Variants in HNF4A observed in about 807,000 individuals in gnomAD.
The protein encoded by HNF4A is hepatocyte nuclear factor 4-alpha.
In HNF4A, 15 loss-of-function variants were observed where a neutral mutation model predicts 52.4. That is an observed-to-expected ratio of 0.29 (90% CI 0.19 to 0.44). The LOEUF (loss-of-function observed/expected upper bound fraction) is 0.44. HNF4A is among the 20% of genes least tolerant of loss of function. HNF4A has a pLI of 1.00. For synonymous variants in HNF4A, 280 were observed against 264.4 expected (o/e 1.06, Z -0.57); for missense variants, 479 against 647.2 (o/e 0.74, Z 2.82).
At chr20:44,425,130 C>T (rs567644320) in intron 8 of HNF4A, among the ~76,000 whole-genome samples, 6 of 152,268 alleles carry the variant, frequency 3.9e-5, no homozygotes, top group East Asian at 1.9e-4. Context: ...TACAGGCGCC[C>T]GCCACCACGC....
Position 44,428,372 on chromosome 20 carries a change from GC to G in HNF4A, c.1168del (p.His390ThrfsTer4). 1 of 1,614,010 alleles carries G rather than the reference GC, an allele frequency of 6.2e-7. No homozygotes were observed. Among genetic ancestry groups the G allele is most frequent in the Non-Finnish European group, 8.5e-7 (1 of 1,179,982 alleles). On this transcript the variant is annotated frameshift_variant, in exon 9 of 10. Coordinates refer to ENST00000316099, the MANE Select transcript of HNF4A (RefSeq NM_000457.6). LOFTEE classifies it high-confidence loss of function. ...ATGCACCCCATGCCCACCACCCCCT[GC>G]ACCCTCACCTGATGCAGGAACATAT...
intron 1 of HNF4A, among the ~76,000 whole-genome samples, chr20:44,371,017 G>A (rs1435067640): frequency 6.6e-6 from 1 of 152,212 alleles, no homozygotes; most frequent in African/African-American, 2.4e-5. Context: ...GGGCAGAGGA[G>A]GTGGGGAGAC....
intron 1 of HNF4A, among the ~76,000 whole-genome samples, chr20:44,360,118 C>G (rs2062901422): frequency 6.6e-6 from 1 of 152,298 alleles, no homozygotes; most frequent in South Asian, 2.1e-4. Flanking sequence ...TATAGTCCAG[C>G]CTTCCACAGG....
intron 1 of HNF4A, among the ~76,000 whole-genome samples, chr20:44,385,304 T>G (rs2063209579): frequency 6.6e-6 from 1 of 151,546 alleles, no homozygotes; most frequent in Non-Finnish European, 1.5e-5. Context: ...GGGCACCTGG[T>G]ATCAGAAGTG....
In HNF4A at chr20:44,413,805, C is replaced by T. The variant is rs540372371; in HGVS notation, c.492+5C>T. 80 of 1,594,982 alleles carry T rather than the reference C, an allele frequency of 5.0e-5. No individual in the cohort carries two copies. The South Asian group carries it at 6.2e-4, about 12-fold the overall frequency. On this transcript the variant is annotated splice_donor_5th_base_variant and intron_variant, in intron 4 of 9. Transcript: ENST00000316099. ...GCGGAGGTCCTGTCCCGACAGGTAC[C>T]GGGGTGATCCTGCCACCCACCCAGG...
intron 1 of HNF4A, among the ~76,000 whole-genome samples, chr20:44,378,387 C>T (rs930122427): frequency 8.6e-5 from 13 of 151,780 alleles, no homozygotes; most frequent in Admixed American, 2.6e-4. Flanking sequence ...TCTGCCTCAG[C>T]CTCCCGAGTA....
At chr20:44,433,194 G>C (rs1226185530), downstream of HNF4A, 6 of 152,208 alleles carry the variant, frequency 3.9e-5, no homozygotes, top group Admixed American at 3.9e-4. Context: ...GGAGTGATGA[G>C]GGGAGAGTGC....
intron 7 of HNF4A, among the ~76,000 whole-genome samples, chr20:44,422,121 T>G (rs1028583): frequency 0.54 from 82,664 of 151,718 alleles, 22,844 homozygotes; most frequent in Middle Eastern, 0.67. Flanking sequence ...GATTTGAACT[T>G]CAGACCACCT....
exon 1 of HNF4A, chr20:44,355,828 C>A: frequency 2.5e-6 from 4 of 1,613,682 alleles, no homozygotes; most frequent in Non-Finnish European, 3.4e-6. Flanking sequence ...ACGCGCCCCT[C>A]GGGGCTCCAG....
chr20:44,411,051 A>G (rs2063574070), intron 3 of HNF4A, among the ~76,000 whole-genome samples: 2 of 152,198 alleles, frequency 1.3e-5, no homozygotes, highest in African/African-American at 4.8e-5. Flanking sequence ...CTTTCCTGCA[A>G]CCGAAAGCCA....
chr20:44,394,463 G>A lies in HNF4A; in HGVS notation c.50-11595G>A, dbSNP rs537367982. ...GCTGGGCCTGTGGATGCATACCCTT[G>A]GCTCCTGGGAGCCTCGGAACCCAGC... On this transcript the variant is annotated intron_variant, in intron 1 of 9. Coordinates refer to the HNF4A transcript ENST00000316673. Among the ~76,000 whole-genome samples, 5 of 152,230 alleles carry A rather than the reference G, an allele frequency of 3.3e-5. No homozygotes were observed. The South Asian group carries it at 1.0e-3, about 32-fold the overall frequency.
At chr20:44,376,111 G>A (rs2063082366) in intron 1 of HNF4A, among the ~76,000 whole-genome samples, 1 of 151,672 alleles carries the variant, frequency 6.6e-6, no homozygotes, top group Middle Eastern at 3.2e-3. Flanking sequence ...AGCCGGGCAT[G>A]GTAATTAGCC....
chr20:44,378,937 AAAG>A (rs2063119459), intron 1 of HNF4A, among the ~76,000 whole-genome samples: 1 of 151,612 alleles, frequency 6.6e-6, no homozygotes, highest in African/African-American at 2.4e-5. Context: ...AAAAAAAAGA[AAAG>A]AAAAGAAAAG....
chr20:44,368,430 G>A (rs759505898), intron 1 of HNF4A, among the ~76,000 whole-genome samples: 1 of 151,782 alleles, frequency 6.6e-6, no homozygotes, highest in East Asian at 1.9e-4. Context: ...GCCTCCCAAA[G>A]TGCTGGGATT....
intron 1 of HNF4A, among the ~76,000 whole-genome samples, chr20:44,368,160 ATTTTTTTTT>A (rs1181828023): frequency 3.6e-5 from 1 of 27,780 alleles, no homozygotes; most frequent in Non-Finnish European, 6.0e-5. Context: ...ATATATATAT[ATTTTTTTTT>A]TTTTTTTTTT....
intron 1 of HNF4A, among the ~76,000 whole-genome samples, chr20:44,374,770 T>C (rs2063068126): frequency 6.6e-6 from 1 of 152,348 alleles, no homozygotes; most frequent in South Asian, 2.1e-4. Flanking sequence ...GGCTGATGTC[T>C]TTCTATTGTG....
Position 44,428,375 on chromosome 20 carries a change from C to T in HNF4A, c.1170C>T (p.His390=). ...CACCCCATGCCCACCACCCCCTGCA[C>T]CCTCACCTGATGCAGGAACATATGG... The change falls in exon 9 of 10, where the codon CAC becomes CAT. Residue 390 remains histidine (H), a synonymous_variant. Coordinates refer to ENST00000316099, the MANE Select transcript of HNF4A (RefSeq NM_000457.6). 2 of 1,613,946 alleles carry T rather than the reference C, an allele frequency of 1.2e-6. No homozygotes were observed. The highest frequency in any genetic ancestry group is 1.7e-6 in the Non-Finnish European group (2 of 1,179,816).
intron 1 of HNF4A, among the ~76,000 whole-genome samples, chr20:44,357,640 C>G (rs1195019092): frequency 1.3e-5 from 2 of 152,146 alleles, no homozygotes; most frequent in Non-Finnish European, 2.9e-5. Flanking sequence ...GCTCCTGTGT[C>G]ATACTCATTA....
At chr20:44,403,276 T>A (rs1020818298) in intron 1 of HNF4A, among the ~76,000 whole-genome samples, 6 of 152,236 alleles carry the variant, frequency 3.9e-5, no homozygotes, top group Admixed American at 3.3e-4. Flanking sequence ...AAATCCGGCA[T>A]AGATCCTTCC....
Sources: allele counts gnomAD v4.1 joint callset (sites outside exome capture counted in the v4.1 genomes callset), GRCh38; gene constraint gnomAD v4.1.1; transcripts MANE v1.5; gene names NCBI Gene and HGNC (gene_info 2026-07-23, HGNC 2026-07-21).